The following IL34 variants were observed in gnomAD, a reference collection of about 807,000 sequenced individuals.
The protein encoded by IL34 is interleukin 34, also known as interleukin-34.
In IL34, 17 loss-of-function variants were observed where a neutral mutation model predicts 25.3. The observed-to-expected ratio is 0.67, with a 90% CI of 0.46 to 1.01. The LOEUF (loss-of-function observed/expected upper bound fraction) is 1.01. Among genes scored for constraint, IL34 ranks in the 50% least tolerant of loss-of-function variants. The pLI, the probability that IL34 is intolerant of heterozygous loss-of-function variation, is 0.00. For synonymous variants in IL34, 174 were observed against 140.9 expected, an observed-to-expected ratio of 1.23 and a Z score of -1.66; for missense variants, 368 against 312.9, an observed-to-expected ratio of 1.18 and a Z score of -1.33.
intron 1 of IL34, among the ~76,000 whole-genome samples, chr16:70,590,982 CTG>C (rs2151807313): frequency 1.3e-5 from 2 of 152,338 alleles, no homozygotes; most frequent in East Asian, 3.9e-4. Context: ...GCTGGCTGCT[CTG>C]TGCAGTCAGA....
intron 1 of IL34, among the ~76,000 whole-genome samples, chr16:70,591,430 G>T (rs1016370221): frequency 6.6e-6 from 1 of 152,024 alleles, no homozygotes; most frequent in Non-Finnish European, 1.5e-5. Flanking sequence ...TTAGCCGGGC[G>T]TGGTGGCACG....
At chr16:70,646,076 AT>A (rs538298349), upstream of IL34, among the ~76,000 whole-genome samples, 28 of 150,142 alleles carry the variant, frequency 1.9e-4, no homozygotes, top group South Asian at 1.7e-3. Flanking sequence ...TTTTTTCTTA[AT>A]TTTTTTTTTA....
At chr16:70,634,487 C>G (rs956848318) in intron 1 of IL34, among the ~76,000 whole-genome samples, 1 of 151,972 alleles carries the variant, frequency 6.6e-6, no homozygotes, top group Admixed American at 6.6e-5. Flanking sequence ...CGAGACCAGC[C>G]TGACCAACAA....
upstream of IL34, among the ~76,000 whole-genome samples, chr16:70,644,924 G>A (rs1264890679): frequency 6.2e-5 from 4 of 64,924 alleles, no homozygotes; most frequent in African/African-American, 7.2e-4. Context: ...GGAGAAGGAG[G>A]AGGAAGGAGG....
chr16:70,644,742 AGGAGGAG>A (rs1370712119), upstream of IL34, among the ~76,000 whole-genome samples: 36 of 103,172 alleles, frequency 3.5e-4, no homozygotes, highest in East Asian at 9.7e-4. Context: ...GAAGAGGAAG[AGGAGGAG>A]GGAGGAGGGA....
At chr16:70,623,172 A>G (rs1167690825) in intron 1 of IL34, among the ~76,000 whole-genome samples, 1 of 152,132 alleles carries the variant, frequency 6.6e-6, no homozygotes, top group African/African-American at 2.4e-5. Context: ...GCAGCAGTAC[A>G]GCCCAGGTAA....
chr16:70,659,951 C>G (rs770634170), intron 5 of IL34, 46 bp from the exon 6 acceptor site: 66 of 1,529,860 alleles, frequency 4.3e-5, no homozygotes, highest in Admixed American at 6.1e-5. Context: ...GGAGGGTGGT[C>G]TTGAACACTG....
chr16:70,644,765 AGGAGGAG>A (rs1369219444), upstream of IL34, among the ~76,000 whole-genome samples: 26 of 121,904 alleles, frequency 2.1e-4, no homozygotes, highest in Admixed American at 6.3e-4. Context: ...AGGGAGGAAA[AGGAGGAG>A]GGAGGAGGGA....
chr16:70,621,679 T>TG (rs2051285433), intron 1 of IL34, among the ~76,000 whole-genome samples: 1 of 152,088 alleles, frequency 6.6e-6, no homozygotes, highest in Non-Finnish European at 1.5e-5. Context: ...TTATTTCACC[T>TG]GGGTGCAGGC....
intron 1 of IL34, among the ~76,000 whole-genome samples, chr16:70,648,420 G>A (rs943013531): frequency 1.3e-5 from 2 of 152,074 alleles, no homozygotes; most frequent in Non-Finnish European, 2.9e-5. Context: ...AGGTGTGGTG[G>A]CATACATCTG....
At chr16:70,582,152 G>C (rs574223654) in intron 1 of IL34, among the ~76,000 whole-genome samples, 3 of 152,342 alleles carry the variant, frequency 2.0e-5, no homozygotes, top group African/African-American at 4.8e-5. Flanking sequence ...AGAGTGAAAG[G>C]CTTCATTGCC....
chr16:70,644,284 G>A (rs2051854364), upstream of IL34, among the ~76,000 whole-genome samples: 1 of 151,960 alleles, frequency 6.6e-6, no homozygotes, highest in African/African-American at 2.4e-5. Flanking sequence ...CTTCTCCTTG[G>A]AGTTTATTCT....
intron 1 of IL34, among the ~76,000 whole-genome samples, chr16:70,582,865 A>T (rs567956694): frequency 2.6e-5 from 4 of 152,308 alleles, no homozygotes; most frequent in South Asian, 2.1e-4. Context: ...TGCTTGGGAA[A>T]TGGCTCCATG....
intron 1 of IL34, among the ~76,000 whole-genome samples, chr16:70,596,395 C>T (rs953897089): frequency 1.3e-5 from 2 of 152,194 alleles, no homozygotes; most frequent in Non-Finnish European, 2.9e-5. Context: ...TCTCCAGAGG[C>T]ACAAAGAGGA....
chr16:70,644,952 AGAGGAG>A, upstream of IL34, among the ~76,000 whole-genome samples: 1 of 84,166 alleles, frequency 1.2e-5, no homozygotes, highest in Non-Finnish European at 2.1e-5. Flanking sequence ...GGAAGGAGGA[AGAGGAG>A]GAGGAAGGAG....
chr16:70,635,107 T>G (rs1287109845), intron 1 of IL34, among the ~76,000 whole-genome samples: 2 of 152,166 alleles, frequency 1.3e-5, no homozygotes, highest in Non-Finnish European at 2.9e-5. Context: ...CTAGGTTAAA[T>G]TCTAGGAGTG....
At chr16:70,604,500 G>T (rs2050968179) in intron 1 of IL34, among the ~76,000 whole-genome samples, 3 of 152,202 alleles carry the variant, frequency 2.0e-5, no homozygotes, top group Admixed American at 6.5e-5. Flanking sequence ...CAGCCTGTGG[G>T]TGTCTGCCTA....
intron 1 of IL34, among the ~76,000 whole-genome samples, chr16:70,627,855 C>T (rs1201244224): frequency 1.3e-5 from 2 of 152,132 alleles, no homozygotes; most frequent in East Asian, 3.8e-4. Flanking sequence ...TTCTTTTGCT[C>T]AACATTTTAT....
intron 1 of IL34, among the ~76,000 whole-genome samples, chr16:70,631,262 C>A (rs2051511873): frequency 6.6e-6 from 1 of 152,138 alleles, no homozygotes; most frequent in Non-Finnish European, 1.5e-5. Flanking sequence ...TGGACATGGT[C>A]TGTGGACATG....
Sources: allele counts gnomAD v4.1 joint callset (sites outside exome capture counted in the v4.1 genomes callset), GRCh38; gene constraint gnomAD v4.1.1; transcripts MANE v1.5; gene names NCBI Gene and HGNC (gene_info 2026-07-23, HGNC 2026-07-21).